Variants in KDM4B observed in about 807,000 individuals in gnomAD.
KDM4B encodes lysine-specific demethylase 4B.
In KDM4B, 32 loss-of-function variants were observed where a neutral mutation model predicts 125.2. That is an observed-to-expected ratio of 0.26 (90% CI 0.19 to 0.34). The LOEUF (loss-of-function observed/expected upper bound fraction) is 0.34. Ranked by LOEUF, KDM4B falls within the 10% of genes least tolerant of loss-of-function variation. The pLI is 1.00. For synonymous variants in KDM4B, 721 were observed against 677.9 expected (o/e 1.06, Z -0.99); for missense variants, 1,190 against 1,577.7 (o/e 0.75, Z 4.16).
At chr19:5,067,647 G>T (rs889324356) in intron 6 of KDM4B, among the ~76,000 whole-genome samples, 1 of 151,072 alleles carries the variant, frequency 6.6e-6, no homozygotes, top group Non-Finnish European at 1.5e-5. Context: ...GGGAGGGGAG[G>T]GAGGGAATGC....
intron 1 of KDM4B, among the ~76,000 whole-genome samples, chr19:4,996,706 C>G (rs902378213): frequency 6.6e-6 from 1 of 152,218 alleles, no homozygotes; most frequent in Non-Finnish European, 1.5e-5. Flanking sequence ...CTCTGCCCCT[C>G]CTTATAACCT....
rs111741239 is a variant in KDM4B, at chr19:5,058,165, G to A, written c.626+10496G>A. 6.9e-3 allele frequency among the ~76,000 whole-genome samples: 1,052 copies of A among 152,346 alleles called. 14 individuals are homozygous for A. Among genetic ancestry groups the A allele is most frequent in the African/African-American group, 0.023 (939 of 41,578 alleles). ...TGAGACTTCTCTTTCCTGCCATGTG[G>A]GTGCTGGGTGCCCTGCAGGGGCTCA... On this transcript the variant is annotated intron_variant, in intron 6 of 22. Coordinates refer to ENST00000159111, the MANE Select transcript of KDM4B (RefSeq NM_015015.3).
At chr19:5,059,877 C>T (rs949911572) in intron 6 of KDM4B, among the ~76,000 whole-genome samples, 2 of 152,236 alleles carry the variant, frequency 1.3e-5, no homozygotes, top group Non-Finnish European at 2.9e-5. Flanking sequence ...AGACTCCCAC[C>T]AGGGCCTCAC....
intron 6 of KDM4B, among the ~76,000 whole-genome samples, chr19:5,060,802 C>T (rs1038593292): frequency 2.6e-5 from 4 of 152,212 alleles, no homozygotes; most frequent in South Asian, 2.1e-4. Context: ...CGCACCCTCC[C>T]CTGTGACGGG....
At chr19:5,102,128 A>C (rs1418204850) in intron 9 of KDM4B, among the ~76,000 whole-genome samples, 1 of 152,032 alleles carries the variant, frequency 6.6e-6, no homozygotes, top group Non-Finnish European at 1.5e-5. Context: ...CGCCACCACC[A>C]TCCGTGTCTC....
intron 12 of KDM4B, 106 bp downstream of exon 12, chr19:5,131,651 G>A: frequency 1.6e-6 from 1 of 623,018 alleles, no homozygotes; most frequent in South Asian, 1.9e-5. Flanking sequence ...GAGGGGGCAG[G>A]GAGGAGGGGA....
At chr19:5,144,644 G>T in intron 20 of KDM4B, 139 bp from the exon 21 acceptor site, 4 of 1,283,432 alleles carry the variant, frequency 3.1e-6, no homozygotes, top group Middle Eastern at 2.7e-4. Context: ...GCACCGCCCC[G>T]CTACCCCGGG....
intron 9 of KDM4B, among the ~76,000 whole-genome samples, chr19:5,093,694 A>G (rs2038758933): frequency 6.6e-6 from 1 of 152,098 alleles, no homozygotes; most frequent in Non-Finnish European, 1.5e-5. Context: ...CCCCAGACAG[A>G]TGGTCGAGAT....
At chr19:5,049,363 C>T (rs554292911) in intron 6 of KDM4B, among the ~76,000 whole-genome samples, 3 of 151,956 alleles carry the variant, frequency 2.0e-5, no homozygotes, top group Admixed American at 6.5e-5. Flanking sequence ...CCCCATGACC[C>T]GTCGTGGGAG....
intron 10 of KDM4B, among the ~76,000 whole-genome samples, chr19:5,116,887 C>T (rs1386117211): frequency 1.3e-5 from 2 of 152,188 alleles, no homozygotes; most frequent in Non-Finnish European, 2.9e-5. Context: ...AGGATGGCCA[C>T]ACCCTCAACA....
At chr19:5,123,055 C>T (rs955763364) in intron 11 of KDM4B, among the ~76,000 whole-genome samples, 1 of 152,238 alleles carries the variant, frequency 6.6e-6, no homozygotes, top group African/African-American at 2.4e-5. Context: ...TGTGCAGATG[C>T]AGGGACAGGC....
At chr19:5,134,373 G>T (rs2039611884) in intron 14 of KDM4B, among the ~76,000 whole-genome samples, 1 of 152,188 alleles carries the variant, frequency 6.6e-6, no homozygotes, top group African/African-American at 2.4e-5. Flanking sequence ...TGGGCCGGGT[G>T]GTGTGGGAGT....
At chr19:4,975,340 T>C (rs2034408325) in intron 1 of KDM4B, among the ~76,000 whole-genome samples, 2 of 152,154 alleles carry the variant, frequency 1.3e-5, no homozygotes, top group African/African-American at 4.8e-5. Flanking sequence ...TTATAAGACA[T>C]TTTTCTTCTT....
At chr19:5,149,512 G>A (rs1599282516) in intron 21 of KDM4B, among the ~76,000 whole-genome samples, 1 of 152,184 alleles carries the variant, frequency 6.6e-6, no homozygotes, top group East Asian at 1.9e-4. Context: ...CTCTGATATG[G>A]GAACCTTCTC....
intron 9 of KDM4B, among the ~76,000 whole-genome samples, chr19:5,105,374 C>T (rs997697082): frequency 6.6e-6 from 1 of 152,232 alleles, no homozygotes; most frequent in Admixed American, 6.5e-5. Flanking sequence ...GTGTTCACCC[C>T]GATGCTGTTA....
In KDM4B at chr19:5,142,694, A is replaced by G. The variant is rs2039766647; in HGVS notation, c.2551-1273A>G. Among the ~76,000 whole-genome samples the G allele has an allele frequency of 6.6e-6, 1 of 151,950 alleles. No homozygotes were observed. Among genetic ancestry groups the G allele is most frequent in the East Asian group, 1.9e-4 (1 of 5,136 alleles). On this transcript the variant is annotated intron_variant, in intron 18 of 22. Transcript: ENST00000159111. This position sits in a 1 kb window ranked among gnomAD's most constrained non-coding sequence, Gnocchi z 5.4. ...GGGAGCACAGCCTCCACTCCTACACACTGGCTACTCTGCCGGAGGGGGAGG... is the reference window on the plus strand; with the variant it reads ...GGGAGCACAGCCTCCACTCCTACACGCTGGCTACTCTGCCGGAGGGGGAGG...
chr19:5,014,278 T>C (rs942101446), intron 1 of KDM4B, among the ~76,000 whole-genome samples: 1 of 152,108 alleles, frequency 6.6e-6, no homozygotes, highest in Admixed American at 6.5e-5. Context: ...CTAAGTGTTT[T>C]GTTTTGTTTT....
chr19:4,986,188 C>T (rs886457464), intron 1 of KDM4B, among the ~76,000 whole-genome samples: 2 of 152,166 alleles, frequency 1.3e-5, no homozygotes, highest in East Asian at 1.9e-4. Flanking sequence ...CCATGGCGCT[C>T]GCCAAGGGCC....
intron 2 of KDM4B, among the ~76,000 whole-genome samples, chr19:5,031,709 G>A (rs2036465728): frequency 6.6e-6 from 1 of 152,192 alleles, no homozygotes; most frequent in Non-Finnish European, 1.5e-5. Context: ...AGGATGGAGG[G>A]TTCTGGACAC....
Sources: gnomAD v4.1 joint callset for allele counts (sites outside exome capture counted in the v4.1 genomes callset) on GRCh38, gnomAD v4.1.1 for gene constraint, Gnocchi (gnomAD v3.1) non-coding constraint, MANE v1.5 for transcripts, NCBI Gene and HGNC (gene_info 2026-07-23, HGNC 2026-07-21) for gene names.